Variants in SLC16A2 observed in about 807,000 individuals in gnomAD.
SLC16A2 encodes the protein monocarboxylate transporter 8.
Under a neutral mutation model 27.2 loss-of-function variants are expected in SLC16A2, and 3 were observed. That is an observed-to-expected ratio of 0.11 (90% CI 0.05 to 0.28). SLC16A2 has a LOEUF of 0.28. Ranked by LOEUF, SLC16A2 falls within the 10% of genes least tolerant of loss-of-function variation. The pLI is 1.00. For missense variants in SLC16A2, 295 were observed against 458.5 expected (o/e 0.64, Z 3.26); for synonymous variants, 202 against 187.8 (o/e 1.08, Z -0.62).
chrX:74,459,977 G>A (rs1929107683), intron 1 of SLC16A2, among the ~76,000 whole-genome samples: 1 of 111,673 alleles, frequency 9.0e-6, no homozygotes, highest in Non-Finnish European at 1.9e-5. Flanking sequence ...AAGGTGGTCT[G>A]ACTTCAATGC....
intron 1 of SLC16A2, among the ~76,000 whole-genome samples, chrX:74,459,636 G>C (rs767758668): frequency 9.0e-6 from 1 of 110,740 alleles, no homozygotes; most frequent in Admixed American, 9.7e-5. Context: ...ATAAAGGGGA[G>C]GTGCTCAAGA....
At position 74,496,196 on chromosome X, in the gene SLC16A2, A is replaced by T. The variant is rs750277268; in HGVS notation, c.431-24794A>T. Among the ~76,000 whole-genome samples the T allele has an allele frequency of 3.6e-5, 4 of 110,548 alleles. No individual in the cohort carries two copies. In the South Asian group the frequency reaches 1.6e-3, roughly 43 times the overall value. On this transcript the variant is annotated intron_variant, in intron 1 of 5. Coordinates refer to ENST00000587091, the MANE Select transcript of SLC16A2 (RefSeq NM_006517.5). ...CAGAGTTAGGGCATTAACTAAAAGC[A>T]GTTTATGAAACAAATCCTCAGGGAG...
intron 1 of SLC16A2, among the ~76,000 whole-genome samples, chrX:74,444,400 C>G (rs1214125133): frequency 9.1e-6 from 1 of 110,210 alleles, no homozygotes; most frequent in Admixed American, 9.7e-5. Flanking sequence ...CTCCCTCCCT[C>G]TTCAATCCTG....
chrX:74,440,579 C>G (rs1928726020), intron 1 of SLC16A2, among the ~76,000 whole-genome samples: 1 of 101,189 alleles, frequency 9.9e-6, no homozygotes. Flanking sequence ...AGCTCTTAGC[C>G]AAGCGTGTTT....
At chrX:74,430,006 C>T (rs190157892) in intron 1 of SLC16A2, among the ~76,000 whole-genome samples, 104 of 111,967 alleles carry the variant, frequency 9.3e-4, no homozygotes, top group African/African-American at 3.1e-3. Flanking sequence ...GGTGGAGTTT[C>T]GTTGACATTT....
At chrX:74,513,289 T>C (rs1930263773) in intron 1 of SLC16A2, among the ~76,000 whole-genome samples, 1 of 111,888 alleles carries the variant, frequency 8.9e-6, no homozygotes, top group Non-Finnish European at 1.9e-5. Flanking sequence ...CATTGCCTGT[T>C]AAAATCCACC....
intron 1 of SLC16A2, among the ~76,000 whole-genome samples, chrX:74,506,306 A>G (rs1372575040): frequency 2.7e-5 from 3 of 111,657 alleles, no homozygotes; most frequent in Non-Finnish European, 5.7e-5. Context: ...CCTTGTCCCT[A>G]CCCTGCTATA....
chrX:74,428,412 C>G (rs1252787235), intron 1 of SLC16A2, among the ~76,000 whole-genome samples: 1 of 111,698 alleles, frequency 9.0e-6, no homozygotes, highest in African/African-American at 3.3e-5. Flanking sequence ...CTGTCCCAAT[C>G]ACATATTTTC....
intron 1 of SLC16A2, among the ~76,000 whole-genome samples, chrX:74,470,039 T>C (rs956134737): frequency 1.8e-5 from 2 of 111,978 alleles, no homozygotes; most frequent in African/African-American, 6.5e-5. Flanking sequence ...TTTTGCTTTT[T>C]CCAGAATATC....
chrX:74,482,426 T>C (rs1316271349), intron 1 of SLC16A2, among the ~76,000 whole-genome samples: 1 of 111,807 alleles, frequency 8.9e-6, no homozygotes, highest in Non-Finnish European at 1.9e-5. Flanking sequence ...TCCCATTGCA[T>C]GTATATTGGT....
intron 1 of SLC16A2, among the ~76,000 whole-genome samples, chrX:74,452,648 T>C (rs1193066483): frequency 9.0e-6 from 1 of 111,448 alleles, no homozygotes; most frequent in Non-Finnish European, 1.9e-5. Flanking sequence ...ACGACACATA[T>C]GTGATGTATA....
chrX:74,442,075 A>G (rs1347447941), intron 1 of SLC16A2, among the ~76,000 whole-genome samples: 1 of 109,421 alleles, frequency 9.1e-6, no homozygotes, highest in African/African-American at 3.3e-5. Flanking sequence ...CTAGAAACAC[A>G]AAATTAGCCA....
chrX:74,432,373 CCACAGGAT>C (rs1182868062), intron 1 of SLC16A2, among the ~76,000 whole-genome samples: 1 of 111,563 alleles, frequency 9.0e-6, no homozygotes, highest in Non-Finnish European at 1.9e-5. Flanking sequence ...AAAACAGAGG[CCACAGGAT>C]TGTGGCCTTC....
intron 1 of SLC16A2, among the ~76,000 whole-genome samples, chrX:74,470,021 C>T (rs1929325709): frequency 8.9e-6 from 1 of 111,958 alleles, no homozygotes; most frequent in Non-Finnish European, 1.9e-5. Flanking sequence ...CTTTTACTGT[C>T]TCCATAGTTT....
intron 1 of SLC16A2, among the ~76,000 whole-genome samples, chrX:74,487,708 C>A (rs777988944): frequency 8.9e-5 from 10 of 111,752 alleles, no homozygotes; most frequent in Non-Finnish European, 1.5e-4. Flanking sequence ...TTATACTCTC[C>A]GGTTTTAAAA....
chrX:74,521,143 A>G lies in SLC16A2; in HGVS notation c.575+9A>G. ...ACCAGCTCCTTCACCAGGTAAGGCT[A>G]AGAGTTGGTGGTTATTTCCCCAAGG... On this transcript the variant is annotated intron_variant, in intron 2 of 5. Coordinates refer to ENST00000587091, the MANE Select transcript of SLC16A2 (RefSeq NM_006517.5). 1 of 1,211,418 alleles carries G rather than the reference A, an allele frequency of 8.3e-7. No homozygotes were observed. The highest frequency in any genetic ancestry group is 1.8e-5 in the South Asian group (1 of 56,987).
chrX:74,476,386 A>G (rs1490527715), intron 1 of SLC16A2, among the ~76,000 whole-genome samples: 1 of 111,994 alleles, frequency 8.9e-6, no homozygotes, highest in Non-Finnish European at 1.9e-5. Flanking sequence ...GTCTGAGACA[A>G]TGGGATTTTC....
At chrX:74,458,799 G>A (rs1281990704) in intron 1 of SLC16A2, among the ~76,000 whole-genome samples, 1 of 111,388 alleles carries the variant, frequency 9.0e-6, no homozygotes, top group Non-Finnish European at 1.9e-5. Context: ...CCAGCCTTCA[G>A]TAACCACCAT....
chrX:74,485,980 T>G (rs1929711603), intron 1 of SLC16A2, among the ~76,000 whole-genome samples: 2 of 110,634 alleles, frequency 1.8e-5, no homozygotes, highest in South Asian at 7.7e-4. Flanking sequence ...TTTAATAGAG[T>G]GAAAACAGAG....
Sources: allele counts gnomAD v4.1 joint callset (sites outside exome capture counted in the v4.1 genomes callset), GRCh38; gene constraint gnomAD v4.1.1; transcripts MANE v1.5; gene names NCBI Gene and HGNC (gene_info 2026-07-23, HGNC 2026-07-21).